The following ZFP37 variants were observed in gnomAD, a reference collection of about 807,000 sequenced individuals.
The protein encoded by ZFP37 is ZFP37 zinc finger protein.
ZFP37 carries 38 observed loss-of-function variants against 52.1 expected under a neutral mutation model. The observed-to-expected ratio is 0.73, with a 90% CI of 0.56 to 0.96. The LOEUF is 0.96. Ranked by LOEUF, ZFP37 falls within the 40% of genes least tolerant of loss-of-function variation. ZFP37 has a pLI of 0.00. For synonymous variants in ZFP37, 253 were observed against 259.5 expected, an observed-to-expected ratio of 0.98 and a Z score of 0.24; for missense variants, 695 against 741.4, an observed-to-expected ratio of 0.94 and a Z score of 0.73.
In ZFP37 at chr9:113,043,785, C is replaced by T; in HGVS notation, c.833G>A (p.Ser278Asn). ...AGGTTTTTCATGCTTAGTAGATGAG[C>T]TAAGGCTGGGTGATTTCTCATGTTT... The part of the protein sequence containing the change: ...GEKHEKSPSL[S>N]SSTKHEKPQA... The change falls in exon 4 of 4, where the codon AGC becomes AAC. Residue 278 changes from serine to asparagine, a missense_variant. Ser to Asn is a conservative substitution (Grantham distance 46). This residue lies in a region of ZFP37 where 369 missense variants were observed against 340.9 expected (regional missense o/e 1.08). Coordinates refer to ENST00000374227, the MANE Select transcript of ZFP37 (RefSeq NM_003408.3). 6.2e-7 allele frequency: 1 copy of T among 1,613,988 alleles called. No homozygotes were observed. The highest frequency in any genetic ancestry group is 8.5e-7 in the Non-Finnish European group (1 of 1,179,964).
Position 113,043,973 on chromosome 9 carries a change from G to C in ZFP37, c.645C>G (p.Ser215Arg). ...TTTTGCCTTTCCTTGTATCAGATAA[G>C]CTATGGTTGAATGACTTCTTGTGTT... ...AKEHKKSFNH[S>R]LSDTRKGKKQ... The change falls in exon 4 of 4, where the codon AGC becomes AGG. Residue 215 changes from serine to arginine, a missense_variant. Transcript: ENST00000374227. 1 of 1,613,988 alleles carries C rather than the reference G, an allele frequency of 6.2e-7. No individual in the cohort carries two copies. Among genetic ancestry groups the C allele is most frequent in the Middle Eastern group, 1.7e-4 (1 of 6,060 alleles).
intron 3 of ZFP37, among the ~76,000 whole-genome samples, chr9:113,046,832 G>A (rs1339209183): frequency 3.9e-5 from 6 of 152,132 alleles, no homozygotes; most frequent in African/African-American, 9.7e-5. Context: ...TGAACTGGCC[G>A]GGCGCAGTGG....
At chr9:113,056,201 C>A (rs1428912249) in intron 1 of ZFP37, among the ~76,000 whole-genome samples, 1 of 152,126 alleles carries the variant, frequency 6.6e-6, no homozygotes, top group Non-Finnish European at 1.5e-5. Flanking sequence ...CTAACCACCA[C>A]AGGCACCCAT....
rs200131585 is a variant in ZFP37 at position 113,044,300 on chromosome 9, A to T, written c.350-32T>A. On this transcript the variant is annotated intron_variant, in intron 3 of 3. Coordinates refer to ENST00000374227, the MANE Select transcript of ZFP37 (RefSeq NM_003408.3). ...TGGAATTCAGTGAGATATTCTTGTG[A>T]ATCTTTGTACTCTTATATTTTGGAA... is the stretch of plus-strand genomic sequence containing the variant. 6.6e-6 allele frequency: 10 copies of T among 1,515,896 alleles called. No individual in the cohort carries two copies. In the East Asian group the frequency reaches 2.3e-4, roughly 34 times the overall value. 93.9% of individuals were successfully genotyped at this position (1,515,896 alleles called of 1,614,324 possible).
Position 113,052,407 on chromosome 9 carries a change from T to G in ZFP37, c.133-2535A>C, listed in dbSNP as rs770456289. Among the ~76,000 whole-genome samples, 3 of 152,180 alleles carry G rather than the reference T, an allele frequency of 2.0e-5. No homozygotes were observed. Among genetic ancestry groups the G allele is most frequent in the Non-Finnish European group, 4.4e-5 (3 of 68,022 alleles). ...TCACCAGGTTTTCAGCCATTAACCC[T>G]TCTGGGTCCGGTGATTTGCTAGGAG... On this transcript the variant is annotated intron_variant, in intron 1 of 3. Transcript: ENST00000374227. The surrounding 1 kb of genome is among the most constrained non-coding windows in gnomAD (Gnocchi z 4.1).
intron 1 of ZFP37, among the ~76,000 whole-genome samples, chr9:113,050,513 T>G (rs1829038855): frequency 6.6e-6 from 1 of 151,606 alleles, no homozygotes; most frequent in South Asian, 2.1e-4. Context: ...TCAATCTTTG[T>G]CTCCTCTTCT....
At chr9:113,046,820 C>G (rs774924590) in intron 3 of ZFP37, among the ~76,000 whole-genome samples, 1 of 152,100 alleles carries the variant, frequency 6.6e-6, no homozygotes, top group Non-Finnish European at 1.5e-5. Context: ...TATATAAGAA[C>G]CTGAACTGGC....
At chr9:113,047,736 ACT>A (rs1828983630) in intron 3 of ZFP37, among the ~76,000 whole-genome samples, 1 of 152,216 alleles carries the variant, frequency 6.6e-6, no homozygotes. Flanking sequence ...CAGGATAGTA[ACT>A]CTATGGGAGA....
At chr9:113,044,613 C>T (rs1828920073) in intron 3 of ZFP37, among the ~76,000 whole-genome samples, 1 of 151,902 alleles carries the variant, frequency 6.6e-6, no homozygotes, top group Admixed American at 6.6e-5. Context: ...TTCTTATAAG[C>T]CCAAGCTGCC....
intron 3 of ZFP37, among the ~76,000 whole-genome samples, chr9:113,045,415 G>A (rs1347338360): frequency 6.6e-6 from 1 of 152,166 alleles, no homozygotes; most frequent in Non-Finnish European, 1.5e-5. Context: ...CTGATTTGTA[G>A]TGTACATCCA....
chr9:113,050,892 CAA>C (rs113594789), intron 1 of ZFP37, among the ~76,000 whole-genome samples: 1 of 131,280 alleles, frequency 7.6e-6, no homozygotes, highest in Non-Finnish European at 1.7e-5. Flanking sequence ...GACTCCATCT[CAA>C]AAAAAAAAAA....
chr9:113,047,274 A>G (rs1828974144), intron 3 of ZFP37, among the ~76,000 whole-genome samples: 1 of 152,226 alleles, frequency 6.6e-6, no homozygotes. Context: ...CAGAAACTCC[A>G]TTGAGTCTCT....
intron 3 of ZFP37, among the ~76,000 whole-genome samples, chr9:113,048,923 G>A (rs969459541): frequency 2.0e-5 from 3 of 151,878 alleles, no homozygotes; most frequent in African/African-American, 7.3e-5. Context: ...CCTCTGCCAT[G>A]AGACCAGAAT....
At chr9:113,054,733 C>T (rs149673277) in intron 1 of ZFP37, among the ~76,000 whole-genome samples, 3 of 152,316 alleles carry the variant, frequency 2.0e-5, no homozygotes, top group African/African-American at 7.2e-5. Flanking sequence ...CCTCATACTC[C>T]ATATATCAAT....
Position 113,040,009 on chromosome 9 carries a change from AGTCT to A in ZFP37, c.*2712_*2715del, listed in dbSNP as rs1828821418. 6.6e-6 allele frequency: 1 copy of A among 152,188 alleles called. No homozygotes were observed. The highest frequency in any genetic ancestry group is 2.4e-5 in the African/African-American group (1 of 41,440). The allele number at this position is 152,188 out of a possible 1,614,324, so 9.4% of individuals were successfully genotyped here. A position where few individuals can be genotyped will look rare whatever the true frequency, so the allele number is the denominator to read the frequency against. On this transcript the variant is annotated 3_prime_UTR_variant, in exon 4 of 4. Coordinates refer to ENST00000374227, the MANE Select transcript of ZFP37 (RefSeq NM_003408.3). The stretch of plus-strand genomic sequence containing the variant: ...CGAGGCCCAAGAATTTGCATTCTCA[AGTCT>A]GTGTTTTAACAAATCATTCAGGCAA...
chr9:113,054,743 T>A (rs1399197380), intron 1 of ZFP37, among the ~76,000 whole-genome samples: 1 of 152,228 alleles, frequency 6.6e-6, no homozygotes, highest in Non-Finnish European at 1.5e-5. Context: ...CATATATCAA[T>A]ACATTAGTAA....
Position 113,042,767 on chromosome 9 carries a change from G to T in ZFP37, c.1851C>A (p.Thr617=). Residue 617 remains threonine, a synonymous_variant, in exon 4 of 4, where the codon ACC becomes ACA. Transcript: ENST00000374227. ...CTTCTGAATGAGTTTTCACATGTTT[G>T]GTTAGGGATGCATTTTGTTTGAAAG... ...GKTFKQNASL[T]KHVKTHSEDK... is the part of the protein sequence containing the mutation. 1 of 1,601,888 alleles carries T rather than the reference G, an allele frequency of 6.2e-7. No individual in the cohort carries two copies. Among genetic ancestry groups the T allele is most frequent in the South Asian group, 1.1e-5 (1 of 88,896 alleles).
intron 3 of ZFP37, among the ~76,000 whole-genome samples, chr9:113,046,201 CAGAT>C (rs898563707): frequency 1.4e-4 from 17 of 118,202 alleles, no homozygotes; most frequent in Admixed American, 5.0e-4. Flanking sequence ...TATATGTAGA[CAGAT>C]ATATATCTAT....
Position 113,040,328 on chromosome 9 carries a change from T to C in ZFP37, c.*2397A>G, listed in dbSNP as rs779695679. 9 of 152,232 alleles carry C rather than the reference T, an allele frequency of 5.9e-5. No homozygotes were observed. The highest frequency in any genetic ancestry group is 1.0e-4 in the Non-Finnish European group (7 of 68,036). The allele number at this position is 152,232 out of a possible 1,614,324, so 9.4% of individuals were successfully genotyped here. A position where few individuals can be genotyped will look rare whatever the true frequency, so the allele number is the denominator to read the frequency against. On this transcript the variant is annotated 3_prime_UTR_variant, in exon 4 of 4. Coordinates refer to ENST00000374227, the MANE Select transcript of ZFP37 (RefSeq NM_003408.3). ...TTCATCCATCTAAAAAGTGCAGGCT[T>C]TCTACAGCTCTAGACAGTGATGACT...
Sources: gnomAD v4.1 joint callset for allele counts (sites outside exome capture counted in the v4.1 genomes callset) on GRCh38, gnomAD v4.1.1 for gene constraint, gnomAD v4.1.1 regional missense constraint, Gnocchi (gnomAD v3.1) non-coding constraint, MANE v1.5 for transcripts, NCBI Gene and HGNC (gene_info 2026-07-23, HGNC 2026-07-21) for gene names.